Variants in CEP112 observed in about 807,000 individuals in gnomAD.
CEP112 encodes the protein centrosomal protein 112.
CEP112 carries 127 observed loss-of-function variants against 153.0 expected under a neutral mutation model. The observed-to-expected ratio is 0.83, with a 90% CI of 0.72 to 0.96. The LOEUF (loss-of-function observed/expected upper bound fraction) is 0.96, where lower values mean the gene tolerates loss of function less well. Ranked by LOEUF, CEP112 falls within the 40% of genes least tolerant of loss-of-function variation. CEP112 has a pLI of 0.00. For synonymous variants in CEP112, 358 were observed against 374.4 expected, an observed-to-expected ratio of 0.96 and a Z score of 0.51; for missense variants, 1,089 against 1,101.2, an observed-to-expected ratio of 0.99 and a Z score of 0.16.
At chr17:66,083,190 C>T (rs1366438536) in intron 8 of CEP112, among the ~76,000 whole-genome samples, 1 of 152,044 alleles carries the variant, frequency 6.6e-6, no homozygotes, top group Non-Finnish European at 1.5e-5. Context: ...GGATTTTCCT[C>T]GTGCTGTTCT....
chr17:65,665,125 G>A (rs1043738566), intron 24 of CEP112, among the ~76,000 whole-genome samples: 10 of 152,322 alleles, frequency 6.6e-5, no homozygotes, highest in Middle Eastern at 6.8e-3. Flanking sequence ...TTGGCGGGGT[G>A]AGAGGCATTA....
intron 12 of CEP112, among the ~76,000 whole-genome samples, chr17:66,050,061 A>G (rs1239347798): frequency 6.6e-6 from 1 of 152,224 alleles, no homozygotes; most frequent in African/African-American, 2.4e-5. Flanking sequence ...GTCCATAACT[A>G]GAGACATTAT....
chr17:66,060,446 A>G (rs939172780), intron 11 of CEP112, among the ~76,000 whole-genome samples: 8 of 152,206 alleles, frequency 5.3e-5, no homozygotes, highest in African/African-American at 1.9e-4. Context: ...TGAGTAGCCA[A>G]AGCAATCTTA....
chr17:65,874,705 C>T (rs1206980246), intron 20 of CEP112, among the ~76,000 whole-genome samples: 1 of 152,062 alleles, frequency 6.6e-6, no homozygotes, highest in East Asian at 1.9e-4. Flanking sequence ...TTGATTGCCA[C>T]TAATATTTTG....
chr17:66,151,123 G>GA (rs2071192646), intron 4 of CEP112, among the ~76,000 whole-genome samples: 2 of 126,948 alleles, frequency 1.6e-5, no homozygotes, highest in Admixed American at 1.5e-4. Context: ...GTTGGCTCTT[G>GA]CTTTTTTTAT....
chr17:65,967,488 A>G (rs577296697), intron 17 of CEP112, among the ~76,000 whole-genome samples: 4 of 152,336 alleles, frequency 2.6e-5, no homozygotes, highest in African/African-American at 9.6e-5. Flanking sequence ...AAGAAGTGTA[A>G]AACATGGTTC....
chr17:66,137,800 T>A (rs1433131015), intron 4 of CEP112, among the ~76,000 whole-genome samples: 3 of 152,112 alleles, frequency 2.0e-5, no homozygotes, highest in Admixed American at 2.0e-4. Context: ...TACACTTGAC[T>A]TAAAAGAAAT....
Position 65,821,517 on chromosome 17 carries a change from TATATATATATATATATATATA to T in CEP112, c.2394+30266_2394+30286del, listed in dbSNP as rs2056558091. Among the ~76,000 whole-genome samples the T allele has an allele frequency of 9.3e-3, 258 of 27,796 alleles. 2 individuals are homozygous for T. Among genetic ancestry groups the T allele is most frequent in the Middle Eastern group, 0.016 (1 of 62 alleles). 18.2% of individuals were successfully genotyped at this position (27,796 alleles called of 152,430 possible). On this transcript the variant is annotated intron_variant, in intron 21 of 26. Coordinates refer to ENST00000535342, the MANE Select transcript of CEP112 (RefSeq NM_001199165.4). ...ATAATTATATATATATATATAATTA[TATATATATATATATATATATA>T]TATTTTTTTTTTTTTTTTTTTTTTT...
chr17:65,847,766 C>CA (rs1306361986), intron 21 of CEP112, among the ~76,000 whole-genome samples: 1 of 151,794 alleles, frequency 6.6e-6, no homozygotes, highest in Admixed American at 6.6e-5. Flanking sequence ...GACAATGGGA[C>CA]AAAAAAAGGT....
chr17:65,770,272 T>C (rs903667251), intron 21 of CEP112, among the ~76,000 whole-genome samples: 1 of 151,736 alleles, frequency 6.6e-6, no homozygotes, highest in East Asian at 1.9e-4. Flanking sequence ...ACAGATACAT[T>C]AAAAAGACAG....
intron 18 of CEP112, chr17:65,941,595 G>GC (rs2061506251): frequency 6.6e-6 from 1 of 152,018 alleles, no homozygotes; most frequent in South Asian, 2.1e-4. Flanking sequence ...GCAATATTCT[G>GC]TATTCCATTC....
intron 10 of CEP112, among the ~76,000 whole-genome samples, chr17:66,065,732 C>T (rs940032143): frequency 1.3e-5 from 2 of 151,658 alleles, no homozygotes; most frequent in African/African-American, 4.9e-5. Flanking sequence ...CAGGTTCATG[C>T]CATTCTCCCG....
At chr17:65,956,915 A>G (rs1241948111) in intron 18 of CEP112, among the ~76,000 whole-genome samples, 2 of 152,210 alleles carry the variant, frequency 1.3e-5, no homozygotes, top group African/African-American at 4.8e-5. Context: ...TTGGATAGTA[A>G]CAAACCCTAT....
intron 23 of CEP112, among the ~76,000 whole-genome samples, chr17:65,736,455 A>C (rs1242697478): frequency 6.6e-6 from 1 of 152,172 alleles, no homozygotes; most frequent in Non-Finnish European, 1.5e-5. Flanking sequence ...TCAGGAGAAA[A>C]GTTTGAATGG....
intron 20 of CEP112, among the ~76,000 whole-genome samples, chr17:65,865,966 C>T (rs1330390089): frequency 2.0e-5 from 3 of 152,108 alleles, no homozygotes; most frequent in African/African-American, 7.2e-5. Context: ...CAGGCAGGAG[C>T]CTCACCCTCC....
intron 21 of CEP112, among the ~76,000 whole-genome samples, chr17:65,791,640 C>A (rs1321685879): frequency 6.6e-6 from 1 of 152,020 alleles, no homozygotes; most frequent in Non-Finnish European, 1.5e-5. Flanking sequence ...CTTTGATAAC[C>A]CCTAAAGAGT....
intron 18 of CEP112, among the ~76,000 whole-genome samples, chr17:65,958,788 G>A (rs185050296): frequency 2.9e-4 from 44 of 152,250 alleles, no homozygotes; most frequent in Non-Finnish European, 5.0e-4. Flanking sequence ...TCAGGCCAGG[G>A]AGGGCCTGAA....
chr17:65,657,261 T>C (rs1018454651), intron 24 of CEP112, among the ~76,000 whole-genome samples: 5 of 152,242 alleles, frequency 3.3e-5, no homozygotes, highest in Non-Finnish European at 7.3e-5. Context: ...AATTTTGGTC[T>C]CATTTCTAAT....
rs563568739 is a variant in CEP112, at chr17:65,660,633, CT to C, written c.2698-19569del. Reference sequence around the variant, plus strand: ...AACCACAGCTCACTGCAGCCTCCACCTTCTGGTCTTAGGTGATCCTCCCACC... The same window carrying C: ...AACCACAGCTCACTGCAGCCTCCACCTCTGGTCTTAGGTGATCCTCCCACC... On this transcript the variant is annotated intron_variant, in intron 24 of 26. Transcript: ENST00000535342. 4.5e-4 allele frequency among the ~76,000 whole-genome samples: 69 copies of C among 152,006 alleles called. 1 individual carries two copies. In the East Asian group the frequency reaches 0.012, roughly 27 times the overall value.
Sources: allele counts gnomAD v4.1 joint callset (sites outside exome capture counted in the v4.1 genomes callset), GRCh38; gene constraint gnomAD v4.1.1; transcripts MANE v1.5; gene names NCBI Gene and HGNC (gene_info 2026-07-23, HGNC 2026-07-21).